The following DDAH1 variants were observed in gnomAD, a reference collection of about 807,000 sequenced individuals.
The protein encoded by DDAH1 is dimethylarginine dimethylaminohydrolase 1.
A neutral mutation model predicts 28.8 loss-of-function variants in DDAH1; 19 were observed. That is an observed-to-expected ratio of 0.66 (90% CI 0.46 to 0.97). The LOEUF (loss-of-function observed/expected upper bound fraction) is 0.97, where lower values mean the gene tolerates loss of function less well. DDAH1 is among the 50% of genes least tolerant of loss of function. The probability of loss-of-function intolerance (pLI) is 0.00; values close to 1 mark genes in which losing one functional copy is unlikely to be tolerated. For missense variants in DDAH1, 326 were observed against 375.9 expected (o/e 0.87, Z 1.10); for synonymous variants, 153 against 154.4 (o/e 0.99, Z 0.07).
chr1:85,551,275 T>G (rs933934061), intron 1 of DDAH1, among the ~76,000 whole-genome samples: 7 of 152,206 alleles, frequency 4.6e-5, no homozygotes, highest in African/African-American at 1.7e-4. Context: ...GCAATTGGGC[T>G]GCTCATGATA....
intron 1 of DDAH1, among the ~76,000 whole-genome samples, chr1:85,408,418 T>C (rs1652507439): frequency 1.3e-5 from 2 of 152,204 alleles, no homozygotes; most frequent in African/African-American, 4.8e-5. Flanking sequence ...TTGTGGAGCA[T>C]TTCCATGATT....
At chr1:85,569,600 C>T (rs898759605) in intron 1 of DDAH1, among the ~76,000 whole-genome samples, 3 of 152,350 alleles carry the variant, frequency 2.0e-5, no homozygotes, top group South Asian at 2.1e-4. Flanking sequence ...ACCCCATCTT[C>T]GTCCTCCACC....
intron 2 of DDAH1, among the ~76,000 whole-genome samples, chr1:85,492,749 G>A (rs1392033552): frequency 6.6e-6 from 1 of 152,114 alleles, no homozygotes; most frequent in Non-Finnish European, 1.5e-5. Flanking sequence ...AAGTTTAACG[G>A]AAAGAAATGT....
At chr1:85,479,054 G>A (rs1655899303) in intron 2 of DDAH1, among the ~76,000 whole-genome samples, 1 of 149,670 alleles carries the variant, frequency 6.7e-6, no homozygotes, top group Non-Finnish European at 1.5e-5. Context: ...TTTATTTTGC[G>A]TTTTGCTTTT....
intron 1 of DDAH1, among the ~76,000 whole-genome samples, chr1:85,501,958 C>T (rs538668969): frequency 2.0e-5 from 3 of 152,102 alleles, no homozygotes; most frequent in Admixed American, 1.3e-4. Flanking sequence ...CTTTCACTAC[C>T]TTCTCCTCCT....
chr1:85,461,103 G>A (rs1460720031), intron 1 of DDAH1, among the ~76,000 whole-genome samples: 2 of 152,078 alleles, frequency 1.3e-5, no homozygotes, highest in African/African-American at 4.8e-5. Flanking sequence ...GACAGAGTGA[G>A]ACCCTGTCTC....
At chr1:85,354,178 C>G (rs193073873) in intron 2 of DDAH1, among the ~76,000 whole-genome samples, 1 of 152,276 alleles carries the variant, frequency 6.6e-6, no homozygotes, top group African/African-American at 2.4e-5. Flanking sequence ...CTTCCTGTCT[C>G]AGTCATTTAT....
At chr1:85,338,329 T>A (rs1407991439) in intron 4 of DDAH1, among the ~76,000 whole-genome samples, 7 of 152,220 alleles carry the variant, frequency 4.6e-5, no homozygotes, top group Admixed American at 4.6e-4. Context: ...AAGACAGCAT[T>A]TTAGAGAAAA....
At chr1:85,400,459 T>C (rs1484893117) in intron 1 of DDAH1, among the ~76,000 whole-genome samples, 1 of 152,066 alleles carries the variant, frequency 6.6e-6, no homozygotes, top group Non-Finnish European at 1.5e-5. Flanking sequence ...CTACCTGGGC[T>C]TCCCAAAGTG....
chr1:85,506,253 G>T (rs1372995211), intron 1 of DDAH1, among the ~76,000 whole-genome samples: 2 of 152,174 alleles, frequency 1.3e-5, no homozygotes, highest in Admixed American at 1.3e-4. Context: ...GATGCAGAAA[G>T]TCTTCCCACC....
chr1:85,483,412 C>T (rs535251834), intron 2 of DDAH1, among the ~76,000 whole-genome samples: 99 of 152,030 alleles, frequency 6.5e-4, no homozygotes, highest in Non-Finnish European at 1.3e-3. Flanking sequence ...ATTTGCCTTT[C>T]GTGAACTTCA....
At chr1:85,487,252 C>A (rs1198820665) in intron 2 of DDAH1, among the ~76,000 whole-genome samples, 2 of 152,218 alleles carry the variant, frequency 1.3e-5, no homozygotes, top group Non-Finnish European at 2.9e-5. Flanking sequence ...TACTTGAGAA[C>A]TTGTGGCTAT....
intron 1 of DDAH1, among the ~76,000 whole-genome samples, chr1:85,436,068 A>G (rs1653928693): frequency 6.6e-6 from 1 of 151,936 alleles, no homozygotes; most frequent in Non-Finnish European, 1.5e-5. Context: ...CCCAAAGTGC[A>G]GGAATTGCAG....
At chr1:85,539,760 A>G (rs1167056698) in intron 1 of DDAH1, among the ~76,000 whole-genome samples, 8 of 152,254 alleles carry the variant, frequency 5.3e-5, no homozygotes, top group African/African-American at 1.9e-4. Context: ...CCCTCGATCA[A>G]TTCTTTACAT....
At chr1:85,428,627 A>G (rs1008730585) in intron 1 of DDAH1, among the ~76,000 whole-genome samples, 6 of 152,258 alleles carry the variant, frequency 3.9e-5, no homozygotes, top group African/African-American at 9.6e-5. Flanking sequence ...CAGAGAACTG[A>G]TATCTGAGAA....
intron 1 of DDAH1, among the ~76,000 whole-genome samples, chr1:85,420,632 G>A (rs1653096020): frequency 6.6e-6 from 1 of 152,100 alleles, no homozygotes; most frequent in South Asian, 2.1e-4. Context: ...TGAGACCTTG[G>A]TAGCCTGGAC....
chr1:85,480,969 C>A (rs575430133), intron 2 of DDAH1, among the ~76,000 whole-genome samples: 16 of 151,370 alleles, frequency 1.1e-4, no homozygotes, highest in African/African-American at 3.9e-4. Context: ...GTAACAGTAA[C>A]TTTTGCTATC....
intron 2 of DDAH1, among the ~76,000 whole-genome samples, chr1:85,354,125 G>T (rs1057439949): frequency 6.6e-6 from 1 of 152,072 alleles, no homozygotes; most frequent in Non-Finnish European, 1.5e-5. Context: ...GATGTCTTTT[G>T]TGTCATTTTC....
At position 85,325,367 on chromosome 1, in the gene DDAH1, G is replaced by A. The variant is rs77848619; in HGVS notation, c.598-484C>T. Among the ~76,000 whole-genome samples, 1,161 of 143,906 alleles carry A rather than the reference G, an allele frequency of 8.1e-3. 7 individuals are homozygous for A. Among genetic ancestry groups the A allele is most frequent in the Non-Finnish European group, 0.011 (721 of 65,578 alleles). The allele number at this position is 143,906 out of a possible 152,430, so 94.4% of individuals were successfully genotyped here. On this transcript the variant is annotated intron_variant, in intron 4 of 5. Transcript: ENST00000284031. ...CATGCACGTGCGTGCGCGCGCGCGC[G>A]CACACACACACGCTTTGCTCTTCCA...
Sources: allele counts gnomAD v4.1 joint callset (sites outside exome capture counted in the v4.1 genomes callset), GRCh38; gene constraint gnomAD v4.1.1; transcripts MANE v1.5; gene names NCBI Gene and HGNC (gene_info 2026-07-23, HGNC 2026-07-21).